TBC1D4: variants seen among roughly 807,000 people sequenced by gnomAD.
The protein encoded by TBC1D4 is TBC (Tre-2, BUB2, CDC16) domain-containing protein.
A neutral mutation model predicts 142.5 loss-of-function variants in TBC1D4; 121 were observed. That is an observed-to-expected ratio of 0.85 (90% CI 0.73 to 0.99). The LOEUF (loss-of-function observed/expected upper bound fraction) is 0.99, where lower values mean the gene tolerates loss of function less well. Among genes scored for constraint, TBC1D4 ranks in the 50% least tolerant of loss-of-function variants. The pLI, the probability that TBC1D4 is intolerant of heterozygous loss-of-function variation, is 0.00. For synonymous variants in TBC1D4, 630 were observed against 628.2 expected (o/e 1.00, Z -0.04); for missense variants, 1,475 against 1,606.6 (o/e 0.92, Z 1.40).
At chr13:75,415,134 A>G (rs1001512227) in intron 1 of TBC1D4, among the ~76,000 whole-genome samples, 3 of 151,920 alleles carry the variant, frequency 2.0e-5, no homozygotes, top group African/African-American at 7.2e-5. Context: ...ACAAAAAAAA[A>G]AAAAAAAGTA....
intron 3 of TBC1D4, among the ~76,000 whole-genome samples, chr13:75,359,145 C>T (rs2138157769): frequency 6.6e-6 from 1 of 152,252 alleles, no homozygotes; most frequent in South Asian, 2.1e-4. Flanking sequence ...AACCTCCCTA[C>T]ATTTACATTT....
chr13:75,338,946 A>G (rs911435881), intron 7 of TBC1D4, among the ~76,000 whole-genome samples: 10 of 152,144 alleles, frequency 6.6e-5, no homozygotes, highest in African/African-American at 2.4e-4. Flanking sequence ...AGTCCTAATG[A>G]TTATGCCGCC....
intron 2 of TBC1D4, among the ~76,000 whole-genome samples, chr13:75,361,476 G>A (rs1882500396): frequency 6.6e-6 from 1 of 152,112 alleles, no homozygotes; most frequent in African/African-American, 2.4e-5. Context: ...CGACTCCCCA[G>A]TTCAAGCAAT....
chr13:75,477,870 T>G (rs531423689), intron 1 of TBC1D4, among the ~76,000 whole-genome samples: 1 of 152,326 alleles, frequency 6.6e-6, no homozygotes, highest in South Asian at 2.1e-4. Flanking sequence ...AGCCTGACAT[T>G]CCTCCTGTAT....
chr13:75,442,990 A>G (rs1887112746), intron 1 of TBC1D4, among the ~76,000 whole-genome samples: 1 of 152,126 alleles, frequency 6.6e-6, no homozygotes, highest in Non-Finnish European at 1.5e-5. Flanking sequence ...TACATGTATC[A>G]TTGCTCTGTT....
chr13:75,342,031 C>G (rs1339797949), intron 5 of TBC1D4, among the ~76,000 whole-genome samples: 1 of 152,076 alleles, frequency 6.6e-6, no homozygotes, highest in African/African-American at 2.4e-5. Context: ...CACCCTGTCT[C>G]TACTAAAAAT....
rs1161139764 is a variant in TBC1D4, at chr13:75,285,079, T to A, written c.*1713A>T. On this transcript the variant is annotated 3_prime_UTR_variant, in exon 21 of 21. Coordinates refer to ENST00000377636, the MANE Select transcript of TBC1D4 (RefSeq NM_014832.5). ...CAACAAATCAATTAGTAGCCCCCAA[T>A]TGAATGGGGCAGACAGAATCAGCAT... 1 of 152,118 alleles carries A rather than the reference T, an allele frequency of 6.6e-6. No homozygotes were observed. The highest frequency in any genetic ancestry group is 2.4e-5 in the African/African-American group (1 of 41,402). 9.4% of individuals were successfully genotyped at this position (152,118 alleles called of 1,614,324 possible).
chr13:75,411,801 G>C (rs1593858257), intron 1 of TBC1D4, among the ~76,000 whole-genome samples: 1 of 152,000 alleles, frequency 6.6e-6, no homozygotes, highest in East Asian at 1.9e-4. Context: ...GCCTCCCAAA[G>C]TGCTGGGATT....
intron 1 of TBC1D4, among the ~76,000 whole-genome samples, chr13:75,443,759 A>G (rs2138209173): frequency 6.6e-6 from 1 of 152,292 alleles, no homozygotes; most frequent in South Asian, 2.1e-4. Context: ...CCCTGTCCCT[A>G]CTCAGAATCA....
In TBC1D4 at chr13:75,403,231, ACTTT is replaced by A. The variant is rs200917229; in HGVS notation, c.499-40628_499-40625del. ...ACCGGATCCTCTACTTCACAACATG[ACTTT>A]CTTTATTTTTAGGGGAAAAGTGTGT... On this transcript the variant is annotated intron_variant, in intron 1 of 20. Transcript: ENST00000377636. 9.5e-3 allele frequency among the ~76,000 whole-genome samples: 1,440 copies of A among 152,276 alleles called. 10 individuals are homozygous for A. Among genetic ancestry groups the A allele is most frequent in the African/African-American group, 0.013 (541 of 41,566 alleles).
At chr13:75,450,785 C>A (rs1322933175) in intron 1 of TBC1D4, among the ~76,000 whole-genome samples, 1 of 152,194 alleles carries the variant, frequency 6.6e-6, no homozygotes, top group Non-Finnish European at 1.5e-5. Flanking sequence ...CAAGCCCCAC[C>A]TTTAATCACA....
chr13:75,410,637 T>C (rs1885600301), intron 1 of TBC1D4, among the ~76,000 whole-genome samples: 2 of 152,122 alleles, frequency 1.3e-5, no homozygotes, highest in Non-Finnish European at 2.9e-5. Flanking sequence ...ATAACTACTT[T>C]AGAAATACCG....
chr13:75,481,185 T>C (rs144814586), intron 1 of TBC1D4, 85 bp downstream of exon 1: 33,905 of 1,416,902 alleles, frequency 0.024, 1,041 homozygotes, highest in Middle Eastern at 0.036. Context: ...AGTCGGTCCT[T>C]AAAGTGGGGT....
chr13:75,321,660 G>C (rs1878792019), intron 11 of TBC1D4, among the ~76,000 whole-genome samples: 1 of 152,030 alleles, frequency 6.6e-6, no homozygotes, highest in East Asian at 1.9e-4. Flanking sequence ...AACCTATTAA[G>C]AGAGCATTTT....
At chr13:75,426,036 A>C (rs1024587126) in intron 1 of TBC1D4, among the ~76,000 whole-genome samples, 1 of 152,222 alleles carries the variant, frequency 6.6e-6, no homozygotes, top group Non-Finnish European at 1.5e-5. Flanking sequence ...CCATTCTACA[A>C]TGTATATGGG....
chr13:75,438,469 A>T (rs1419516719), intron 1 of TBC1D4, among the ~76,000 whole-genome samples: 1 of 152,178 alleles, frequency 6.6e-6, no homozygotes, highest in African/African-American at 2.4e-5. Context: ...CTAGGTGTAT[A>T]AAAAGGGGCA....
chr13:75,331,644 C>G (rs1879753076), intron 8 of TBC1D4, among the ~76,000 whole-genome samples: 1 of 152,046 alleles, frequency 6.6e-6, no homozygotes, highest in Admixed American at 6.5e-5. Context: ...TTGTGATTTG[C>G]TAATTCATGT....
Position 75,388,555 on chromosome 13 carries a change from T to A in TBC1D4, c.499-25948A>T, listed in dbSNP as rs1884307002. Among the ~76,000 whole-genome samples, 3 of 152,224 alleles carry A rather than the reference T, an allele frequency of 2.0e-5. No individual in the cohort carries two copies. In the South Asian group the frequency reaches 6.2e-4, roughly 32 times the overall value. On this transcript the variant is annotated intron_variant, in intron 1 of 20. Coordinates refer to ENST00000377636, the MANE Select transcript of TBC1D4 (RefSeq NM_014832.5). Reference sequence around the variant, plus strand: ...GCTATGAATTATTGATTGTGATGAATACAGTGACCACTAGTAGAGTTTGGT... The same window carrying A: ...GCTATGAATTATTGATTGTGATGAAAACAGTGACCACTAGTAGAGTTTGGT...
At position 75,337,019 on chromosome 13, in the gene TBC1D4, G is replaced by C; in HGVS notation, c.1633C>G (p.Pro545Ala). Residue 545 changes from proline to alanine, a missense_variant, in exon 8 of 21, where the codon CCA (proline) becomes GCA (alanine). Physicochemically the swap from Pro to Ala is conservative, Grantham distance 27. Transcript: ENST00000377636. ...GPSTISNSTI[P>A]ENATSSGRFK... ...CTTCCACTGCTTGTTGCATTTTCTG[G>C]GATTGTACTATTTGAAATAGTCTAA... 2 of 1,612,542 alleles carry C rather than the reference G, an allele frequency of 1.2e-6. 1 individual carries two copies.
Sources: gnomAD v4.1 joint callset for allele counts (sites outside exome capture counted in the v4.1 genomes callset) on GRCh38, gnomAD v4.1.1 for gene constraint, MANE v1.5 for transcripts, NCBI Gene and HGNC (gene_info 2026-07-23, HGNC 2026-07-21) for gene names.